SORCS2: variants seen among roughly 807,000 people sequenced by gnomAD.
SORCS2 encodes the protein VPS10 domain-containing receptor SorCS2.
In SORCS2, 100 loss-of-function variants were observed where a neutral mutation model predicts 141.6. That is an observed-to-expected ratio of 0.71 (90% CI 0.60 to 0.83). The LOEUF (loss-of-function observed/expected upper bound fraction) is 0.83. Among genes scored for constraint, SORCS2 ranks in the 40% least tolerant of loss-of-function variants. SORCS2 has a pLI of 0.00. For missense variants in SORCS2, 1,646 were observed against 1,560.2 expected, an observed-to-expected ratio of 1.05 and a Z score of -0.93; for synonymous variants, 789 against 676.9, an observed-to-expected ratio of 1.17 and a Z score of -2.57.
chr4:7,480,847 C>T (rs542254565), intron 2 of SORCS2, among the ~76,000 whole-genome samples: 186 of 152,344 alleles, frequency 1.2e-3, no homozygotes, highest in Middle Eastern at 3.4e-3. Context: ...TACCCCACAG[C>T]GTGGCCTCCC....
At position 7,531,586 on chromosome 4, in the gene SORCS2, C is replaced by A; in HGVS notation, c.605C>A (p.Thr202Asn). The A allele has an allele frequency of 6.2e-7, 1 of 1,613,922 alleles. No homozygotes were observed. Among genetic ancestry groups the A allele is most frequent in the Non-Finnish European group, 8.5e-7 (1 of 1,179,864 alleles). Residue 202 changes from threonine to asparagine, a missense_variant, in exon 3 of 27, where the codon ACC (threonine) becomes AAC (asparagine). Transcript: ENST00000507866. Reference protein sequence around the residue: ...TKLTLQPGVTTVIDNFYICPT... With the variant: ...TKLTLQPGVTNVIDNFYICPT... ...CTCACCCTCCAGCCTGGTGTCACCA[C>A]CGTCATCGACAATTTCTACATCTGC...
rs894476813 is a variant in SORCS2, at chr4:7,742,277, G to A, written c.*2013G>A. 1.3e-5 allele frequency: 2 copies of A among 152,266 alleles called. No homozygotes were observed. Among genetic ancestry groups the A allele is most frequent in the Admixed American group, 6.5e-5 (1 of 15,282 alleles). 9.4% of individuals were successfully genotyped at this position (152,266 alleles called of 1,614,324 possible). On this transcript the variant is annotated 3_prime_UTR_variant, in exon 27 of 27. Coordinates refer to ENST00000507866, the MANE Select transcript of SORCS2 (RefSeq NM_020777.3). ...CCTGCTGGCCACCCCACCCACACCT[G>A]TCCCTGGCCAGCAGGCCGCCTGCAA...
intron 3 of SORCS2, among the ~76,000 whole-genome samples, chr4:7,540,658 C>T (rs1393489834): frequency 2.0e-5 from 3 of 152,228 alleles, no homozygotes; most frequent in East Asian, 1.9e-4. Flanking sequence ...GCATCACCCG[C>T]TCCCCGGCCC....
chr4:7,529,934 C>G (rs538294077), intron 2 of SORCS2, among the ~76,000 whole-genome samples: 1 of 152,308 alleles, frequency 6.6e-6, no homozygotes, highest in East Asian at 1.9e-4. Context: ...TGGGGAGGGG[C>G]TGGCCCCTGG....
At chr4:7,643,537 A>T (rs1049016385) in intron 4 of SORCS2, among the ~76,000 whole-genome samples, 4 of 152,340 alleles carry the variant, frequency 2.6e-5, no homozygotes, top group Admixed American at 2.6e-4. Context: ...GGCAGAGAAG[A>T]CACCTTTGGG....
At chr4:7,437,525 C>G (rs1001625290) in intron 2 of SORCS2, among the ~76,000 whole-genome samples, 1 of 152,136 alleles carries the variant, frequency 6.6e-6, no homozygotes. Context: ...TTCCAGTCCT[C>G]GAATGGCTTG....
chr4:7,198,864 C>T (rs1727324489), intron 1 of SORCS2, among the ~76,000 whole-genome samples: 1 of 152,134 alleles, frequency 6.6e-6, no homozygotes. Flanking sequence ...GAAGTCTCGG[C>T]GTGCAAACCA....
intron 25 of SORCS2, chr4:7,735,257 C>T (rs1351770616): frequency 1.3e-5 from 2 of 153,390 alleles, no homozygotes; most frequent in East Asian, 1.9e-4. Context: ...TGCCACAGCT[C>T]ACCCCTTCCT....
intron 1 of SORCS2, among the ~76,000 whole-genome samples, chr4:7,309,146 G>A (rs778431608): frequency 7.9e-5 from 12 of 152,176 alleles, no homozygotes; most frequent in Admixed American, 1.3e-4. Context: ...CTAAATCACC[G>A]GGCGCACGCT....
chr4:7,376,963 G>T (rs999372520), intron 1 of SORCS2, among the ~76,000 whole-genome samples: 1 of 151,534 alleles, frequency 6.6e-6, no homozygotes. Flanking sequence ...GTCACGTGCA[G>T]CCTGAAGACC....
intron 2 of SORCS2, chr4:7,435,033 G>A (rs1246143845): frequency 2.2e-6 from 2 of 917,562 alleles, no homozygotes; most frequent in African/African-American, 1.7e-5. Context: ...GGGGATTCCT[G>A]GCCTCTTCGC....
At chr4:7,623,970 G>T (rs1719367912) in intron 3 of SORCS2, among the ~76,000 whole-genome samples, 1 of 152,186 alleles carries the variant, frequency 6.6e-6, no homozygotes, top group African/African-American at 2.4e-5. Context: ...CCACTGGGTG[G>T]TGACTGCCCT....
chr4:7,696,707 C>T (rs974394579), intron 11 of SORCS2, among the ~76,000 whole-genome samples: 2 of 152,192 alleles, frequency 1.3e-5, no homozygotes, highest in African/African-American at 2.4e-5. Context: ...AATGTCCACC[C>T]AGCAGATAGT....
At chr4:7,260,580 T>C (rs1179175004) in intron 1 of SORCS2, among the ~76,000 whole-genome samples, 2 of 152,154 alleles carry the variant, frequency 1.3e-5, no homozygotes, top group Non-Finnish European at 2.9e-5. Context: ...CCCCAAATGA[T>C]CATGGGCTGT....
chr4:7,530,540 C>T (rs1357123900), intron 2 of SORCS2, among the ~76,000 whole-genome samples: 2 of 152,208 alleles, frequency 1.3e-5, no homozygotes, highest in African/African-American at 2.4e-5. Flanking sequence ...GATTCTGCAT[C>T]GATAGAGCAG....
chr4:7,470,679 G>A (rs972484711), intron 2 of SORCS2, among the ~76,000 whole-genome samples: 1 of 152,202 alleles, frequency 6.6e-6, no homozygotes. Flanking sequence ...GGAGAGACAG[G>A]GCTCGGAGGA....
intron 1 of SORCS2, among the ~76,000 whole-genome samples, chr4:7,225,536 C>G (rs756593244): frequency 6.6e-6 from 1 of 152,232 alleles, no homozygotes; most frequent in Non-Finnish European, 1.5e-5. Context: ...TTGATGATGG[C>G]TGCAGTCCTG....
intron 1 of SORCS2, among the ~76,000 whole-genome samples, chr4:7,311,905 C>T (rs1337271842): frequency 6.6e-6 from 1 of 151,910 alleles, no homozygotes; most frequent in Non-Finnish European, 1.5e-5. Context: ...GAGACGGAGC[C>T]TCACTCTGTT....
chr4:7,318,834 G>T (rs1017083204), intron 1 of SORCS2, among the ~76,000 whole-genome samples: 8 of 152,134 alleles, frequency 5.3e-5, no homozygotes, highest in African/African-American at 1.9e-4. Context: ...TCACCATCAA[G>T]ATATAGAATA....
Sources: allele counts gnomAD v4.1 joint callset (sites outside exome capture counted in the v4.1 genomes callset), GRCh38; gene constraint gnomAD v4.1.1; transcripts MANE v1.5; gene names NCBI Gene and HGNC (gene_info 2026-07-23, HGNC 2026-07-21).